The following NETO2 variants were observed in gnomAD, a reference collection of about 807,000 sequenced individuals.
The protein encoded by NETO2 is neuropilin and tolloid-like protein 2.
A neutral mutation model predicts 62.5 loss-of-function variants in NETO2; 28 were observed. The observed-to-expected ratio is 0.45, with a 90% confidence interval of 0.33 to 0.61. NETO2 has a LOEUF of 0.61. Among genes scored for constraint, NETO2 ranks in the 20% least tolerant of loss-of-function variants. The probability of loss-of-function intolerance (pLI) is 0.02; values close to 1 mark genes in which losing one functional copy is unlikely to be tolerated. For missense variants in NETO2, 548 were observed against 643.2 expected (o/e 0.85, Z 1.60); for synonymous variants, 214 against 219.1 (o/e 0.98, Z 0.21).
chr16:47,134,815 T>C (rs925722887), intron 1 of NETO2, among the ~76,000 whole-genome samples: 3 of 152,340 alleles, frequency 2.0e-5, no homozygotes, highest in Admixed American at 2.0e-4. Context: ...AATGTGCTTG[T>C]ATAAAATAAC....
chr16:47,112,542 T>C (rs1268412184), intron 6 of NETO2, among the ~76,000 whole-genome samples: 2 of 152,184 alleles, frequency 1.3e-5, no homozygotes, highest in Non-Finnish European at 2.9e-5. Context: ...GTATTTTTAG[T>C]AGAGATGGGG....
intron 1 of NETO2, 105 bp from the exon 2 acceptor site, chr16:47,132,130 T>C: frequency 3.6e-6 from 3 of 842,340 alleles, no homozygotes; most frequent in South Asian, 1.5e-5. Context: ...CTAAAATCAC[T>C]ATTTATTACT....
intron 7 of NETO2, among the ~76,000 whole-genome samples, chr16:47,097,403 C>G (rs1963449485): frequency 6.6e-6 from 1 of 152,250 alleles, no homozygotes; most frequent in Non-Finnish European, 1.5e-5. Context: ...AACAAAGCCA[C>G]AGGGAAGTCT....
At chr16:47,107,342 TG>T (rs200060216) in intron 7 of NETO2, among the ~76,000 whole-genome samples, 1 of 151,976 alleles carries the variant, frequency 6.6e-6, no homozygotes, top group African/African-American at 2.4e-5. Context: ...ACCATGATGT[TG>T]GGGGGGTGCA....
Position 47,129,251 on chromosome 16 carries a change from T to C in NETO2, c.205A>G (p.Asn69Asp), listed in dbSNP as rs1290795428. The change falls in exon 3 of 9, where the codon AAC becomes GAC. Residue 69 changes from asparagine to aspartate, a missense_variant. Transcript: ENST00000562435. ...SPNYPDSYPPNKECIYILEAA... is the reference protein window; with the variant it reads ...SPNYPDSYPPDKECIYILEAA... ...TCCAAAATGTAGATACACTCCTTGTTTGGTGGATATGAGTCAGGATAATTT... is the reference window on the plus strand; with the variant it reads ...TCCAAAATGTAGATACACTCCTTGTCTGGTGGATATGAGTCAGGATAATTT... 2.5e-6 allele frequency: 4 copies of C among 1,613,972 alleles called. No individual in the cohort carries two copies. In the African/African-American group the frequency reaches 5.3e-5, roughly 22 times the overall value.
At chr16:47,132,866 A>C (rs1964294407) in intron 1 of NETO2, among the ~76,000 whole-genome samples, 1 of 152,196 alleles carries the variant, frequency 6.6e-6, no homozygotes, top group South Asian at 2.1e-4. Flanking sequence ...AAGGAGTTTC[A>C]TGAATCTAGG....
At chr16:47,095,833 T>A (rs1166900862) in intron 7 of NETO2, among the ~76,000 whole-genome samples, 1 of 152,058 alleles carries the variant, frequency 6.6e-6, no homozygotes, top group Non-Finnish European at 1.5e-5. Flanking sequence ...TACAGAAAAT[T>A]CCACCCAATA....
At chr16:47,090,115 C>T (rs1354397506) in intron 7 of NETO2, among the ~76,000 whole-genome samples, 1 of 152,134 alleles carries the variant, frequency 6.6e-6, no homozygotes, top group East Asian at 1.9e-4. Flanking sequence ...ATGTGACCCC[C>T]CCCTTTGATG....
At position 47,109,493 on chromosome 16, in the gene NETO2, G is replaced by C; in HGVS notation, c.873C>G (p.Ser291=). The C allele has an allele frequency of 6.2e-7, 1 of 1,612,218 alleles. No individual in the cohort carries two copies. Among genetic ancestry groups the C allele is most frequent in the Non-Finnish European group, 8.5e-7 (1 of 1,178,394 alleles). ...GAATTATTTACTTACGCTCCACAAA[G>C]GAAGTAAAGAGCATTCGAAACCTGC... ...RLSRFRMLFT[S]FVEPPCTSST... is the part of the protein sequence containing the mutation. Residue 291 remains serine (S), a synonymous_variant, in exon 7 of 9, where the codon TCC becomes TCG. Transcript: ENST00000562435.
At chr16:47,137,171 T>C (rs1185737521) in intron 1 of NETO2, among the ~76,000 whole-genome samples, 5 of 152,224 alleles carry the variant, frequency 3.3e-5, no homozygotes, top group African/African-American at 4.8e-5. Context: ...CCCACCAGCA[T>C]TTCTACTTCC....
chr16:47,120,604 A>C (rs904749047), intron 6 of NETO2, among the ~76,000 whole-genome samples: 1 of 152,212 alleles, frequency 6.6e-6, no homozygotes, highest in African/African-American at 2.4e-5. Flanking sequence ...ATTCTATCTA[A>C]TTATACTTTT....
chr16:47,107,051 G>C (rs1342805872), intron 7 of NETO2, among the ~76,000 whole-genome samples: 1 of 152,098 alleles, frequency 6.6e-6, no homozygotes, highest in African/African-American at 2.4e-5. Context: ...CAAAGTGCTG[G>C]GATTACAGGT....
chr16:47,118,850 T>C (rs1219345023), intron 6 of NETO2, among the ~76,000 whole-genome samples: 2 of 152,182 alleles, frequency 1.3e-5, no homozygotes, highest in African/African-American at 4.8e-5. Flanking sequence ...TTTATCCTAT[T>C]ATCAAACCAA....
At chr16:47,096,160 GC>G (rs1484376075) in intron 7 of NETO2, among the ~76,000 whole-genome samples, 1 of 152,066 alleles carries the variant, frequency 6.6e-6, no homozygotes, top group Admixed American at 6.6e-5. Flanking sequence ...AGTACTAAAA[GC>G]AGTAGTAAAA....
At chr16:47,103,248 C>T (rs1039998319) in intron 7 of NETO2, among the ~76,000 whole-genome samples, 4 of 152,066 alleles carry the variant, frequency 2.6e-5, no homozygotes, top group East Asian at 1.9e-4. Context: ...TATAAGAACA[C>T]GTGGGCACAG....
At chr16:47,120,083 T>C (rs1379741228) in intron 6 of NETO2, among the ~76,000 whole-genome samples, 2 of 152,248 alleles carry the variant, frequency 1.3e-5, no homozygotes, top group Admixed American at 1.3e-4. Flanking sequence ...AATTACCAAC[T>C]ATGTTATGGA....
At chr16:47,095,756 C>T (rs1963414820) in intron 7 of NETO2, among the ~76,000 whole-genome samples, 1 of 151,992 alleles carries the variant, frequency 6.6e-6, no homozygotes, top group Admixed American at 6.6e-5. Context: ...GATAGAATGA[C>T]CAGGCAGAAC....
chr16:47,130,999 C>G (rs149225568), intron 2 of NETO2, among the ~76,000 whole-genome samples: 65 of 148,504 alleles, frequency 4.4e-4, no homozygotes, highest in African/African-American at 1.6e-3. Context: ...AGGGCCATAA[C>G]CAAGTAAAAT....
rs766262320 is a variant in NETO2 at position 47,083,214 on chromosome 16, CAGA to C, written c.*4_*6del. The C allele has an allele frequency of 4.4e-6, 7 of 1,596,890 alleles. No homozygotes were observed. The highest frequency in any genetic ancestry group is 2.3e-5 in the South Asian group (2 of 87,926). On this transcript the variant is annotated 3_prime_UTR_variant, in exon 9 of 9. Transcript: ENST00000562435. Reference sequence around the variant, plus strand: ...CCCTAAGAATTCACATCACCATTAGCAGAAGATTAGAAGTCAATGGATATGGAT... The same window carrying C: ...CCCTAAGAATTCACATCACCATTAGCAGATTAGAAGTCAATGGATATGGAT...
Sources: gnomAD v4.1 joint callset for allele counts (sites outside exome capture counted in the v4.1 genomes callset) on GRCh38, gnomAD v4.1.1 for gene constraint, MANE v1.5 for transcripts, NCBI Gene and HGNC (gene_info 2026-07-23, HGNC 2026-07-21) for gene names.